The following PIWIL1 variants were observed in gnomAD, a reference collection of about 807,000 sequenced individuals.
PIWIL1 encodes piwi-like protein 1.
In PIWIL1, 73 loss-of-function variants were observed where a neutral mutation model predicts 114.4. The observed-to-expected ratio is 0.64, with a 90% CI of 0.53 to 0.78. PIWIL1 has a LOEUF of 0.78. Ranked by LOEUF, PIWIL1 falls within the 30% of genes least tolerant of loss-of-function variation. The pLI is 0.00. For missense variants in PIWIL1, 723 were observed against 1,063.1 expected (o/e 0.68, Z 4.45); for synonymous variants, 375 against 369.0 (o/e 1.02, Z -0.19).
Position 130,340,510 on chromosome 12 carries a change from G to C in PIWIL1, c.-12-2070G>C, listed in dbSNP as rs1332758615. ...GTTCTCACTCCTAGGAGAATCTAATGCCTCCACTGATCTAACAGGAGGTGA... is the reference window on the plus strand; with the variant it reads ...GTTCTCACTCCTAGGAGAATCTAATCCCTCCACTGATCTAACAGGAGGTGA... On this transcript the variant is annotated intron_variant, in intron 1 of 20. Coordinates refer to ENST00000245255, the MANE Select transcript of PIWIL1 (RefSeq NM_004764.5). Among the ~76,000 whole-genome samples the C allele has an allele frequency of 1.1e-4, 16 of 151,924 alleles. No homozygotes were observed. In the East Asian group the frequency reaches 3.1e-3, roughly 30 times the overall value.
At chr12:130,407,560 C>T in the PIWIL1 span, among the ~76,000 whole-genome samples, 2 of 152,188 alleles carry the variant, frequency 1.3e-5, no homozygotes, top group Admixed American at 6.5e-5. Context: ...TTCTCTCCTG[C>T]GTGGCCATGT....
At chr12:130,382,553 T>G in the PIWIL1 span, among the ~76,000 whole-genome samples, 12 of 152,382 alleles carry the variant, frequency 7.9e-5, no homozygotes, top group African/African-American at 2.9e-4. Context: ...TGTCGTCACT[T>G]TAACCCCATT....
At chr12:130,405,612 G>C in the PIWIL1 span, among the ~76,000 whole-genome samples, 1 of 151,826 alleles carries the variant, frequency 6.6e-6, no homozygotes, top group East Asian at 1.9e-4. Context: ...ACATGCTCCA[G>C]GGGAACAGAA....
At chr12:130,422,223 A>G in the PIWIL1 span, among the ~76,000 whole-genome samples, 1 of 152,190 alleles carries the variant, frequency 6.6e-6, no homozygotes, top group Admixed American at 6.5e-5. The surrounding 1 kb of genome is among the most constrained non-coding windows in gnomAD (Gnocchi z 5.2). Flanking sequence ...CTCTCCAGGA[A>G]AAAATCAGCT....
At chr12:130,357,406 A>T in intron 13 of PIWIL1, 75 bp from the exon 14 acceptor site, 1 of 1,078,382 alleles carries the variant, frequency 9.3e-7, no homozygotes, top group Non-Finnish European at 1.4e-6. Context: ...TTCCTGTGTT[A>T]CACAGGAAGG....
downstream of PIWIL1, among the ~76,000 whole-genome samples, chr12:130,375,127 C>A (rs1180152876): frequency 6.6e-6 from 1 of 152,116 alleles, no homozygotes; most frequent in Non-Finnish European, 1.5e-5. Context: ...TCCCCGAGCT[C>A]CGATTCCTCC....
intron 1 of PIWIL1, among the ~76,000 whole-genome samples, chr12:130,341,285 T>C (rs573883589): frequency 3.9e-5 from 6 of 152,380 alleles, no homozygotes; most frequent in African/African-American, 9.6e-5. Context: ...CAAGCACTTA[T>C]GTGTGGGTTG....
rs758642763 is a variant in PIWIL1, at chr12:130,367,247, C to T, written c.2310C>T (p.Thr770=). The change falls in exon 19 of 21, where the codon ACC becomes ACT. Residue 770 remains threonine (T), a synonymous_variant. Coordinates refer to ENST00000245255, the MANE Select transcript of PIWIL1 (RefSeq NM_004764.5). The part of the protein sequence containing the change: ...LPGTVIDVEV[T]RPEWYDFFIV... ...GAACAGTTATTGATGTAGAGGTTAC[C>T]AGACCAGAATGGTAAGTTCCATGTG... is the stretch of plus-strand genomic sequence containing the variant. 7 of 1,613,604 alleles carry T rather than the reference C, an allele frequency of 4.3e-6. No homozygotes were observed. In the South Asian group the frequency reaches 7.7e-5, roughly 18 times the overall value.
chr12:130,408,515 TC>T, the PIWIL1 span, among the ~76,000 whole-genome samples: 2 of 152,156 alleles, frequency 1.3e-5, no homozygotes, highest in Admixed American at 1.3e-4. Context: ...GGCCTGGGCA[TC>T]ATCCCAGCAC....
the PIWIL1 span, among the ~76,000 whole-genome samples, chr12:130,409,332 CTTTTTTTT>C: frequency 1.7e-4 from 11 of 65,382 alleles, no homozygotes; most frequent in African/African-American, 2.7e-4. Context: ...CAAAATGTAG[CTTTTTTTT>C]TTTTTTTTTT....
the PIWIL1 span, among the ~76,000 whole-genome samples, chr12:130,388,376 C>T: frequency 1.3e-5 from 2 of 152,188 alleles, no homozygotes; most frequent in Admixed American, 6.5e-5. Flanking sequence ...GTTGATCTAT[C>T]CCAGTATCAG....
Position 130,349,981 on chromosome 12 carries a change from G to T in PIWIL1, c.1044+14G>T. 2.8e-6 allele frequency: 4 copies of T among 1,445,582 alleles called. No homozygotes were observed. Among genetic ancestry groups the T allele is most frequent in the Non-Finnish European group, 3.8e-6 (4 of 1,038,986 alleles). 89.5% of individuals were successfully genotyped at this position (1,445,582 alleles called of 1,614,324 possible). A position where few individuals can be genotyped will look rare whatever the true frequency, so the allele number is the denominator to read the frequency against. On this transcript the variant is annotated intron_variant, in intron 9 of 20. Transcript: ENST00000245255. ...TACTACAGGAAGGTAAGATGCCAGTGGTTAGATCTCAGGAGAAATCCAAAA... is the reference window on the plus strand; with the variant it reads ...TACTACAGGAAGGTAAGATGCCAGTTGTTAGATCTCAGGAGAAATCCAAAA...
In PIWIL1 at chr12:130,342,600, G is replaced by C; in HGVS notation, c.9G>C (p.Gly3=). MT[G]RARARARGRA... Reference sequence around the variant, plus strand: ...TCCAGAAATAGAAAACAATGACTGGGAGAGCCCGAGCCAGAGCCAGAGGAA... The same window carrying C: ...TCCAGAAATAGAAAACAATGACTGGCAGAGCCCGAGCCAGAGCCAGAGGAA... Residue 3 remains glycine, a synonymous_variant, in exon 2 of 21, where the codon GGG becomes GGC. Coordinates refer to ENST00000245255, the MANE Select transcript of PIWIL1 (RefSeq NM_004764.5). 1 of 1,613,152 alleles carries C rather than the reference G, an allele frequency of 6.2e-7. No individual in the cohort carries two copies. The highest frequency in any genetic ancestry group is 1.1e-5 in the South Asian group (1 of 90,988).
chr12:130,419,110 G>T, the PIWIL1 span, among the ~76,000 whole-genome samples: 1 of 152,212 alleles, frequency 6.6e-6, no homozygotes, highest in South Asian at 2.1e-4. This position sits in a 1 kb window ranked among gnomAD's most constrained non-coding sequence, Gnocchi z 4.3. Flanking sequence ...CCTCGACAGG[G>T]AAAGAGTAGC....
chr12:130,377,315 G>A (rs1050120786), downstream of PIWIL1, among the ~76,000 whole-genome samples: 3 of 152,180 alleles, frequency 2.0e-5, no homozygotes, highest in African/African-American at 7.2e-5. Context: ...AGTATTTCCT[G>A]GGCATGTTAA....
the PIWIL1 span, among the ~76,000 whole-genome samples, chr12:130,392,097 G>T: frequency 2.9e-5 from 3 of 105,218 alleles, no homozygotes; most frequent in African/African-American, 6.7e-5. Context: ...CAGTTACCCA[G>T]TGAATATTGA....
At chr12:130,398,497 C>T in the PIWIL1 span, 4 of 152,662 alleles carry the variant, frequency 2.6e-5, no homozygotes, top group Admixed American at 6.5e-5. Flanking sequence ...ATTTGAGCTG[C>T]GTGCTTCATC....
chr12:130,392,902 G>A, the PIWIL1 span, among the ~76,000 whole-genome samples: 1 of 57,330 alleles, frequency 1.7e-5, no homozygotes, highest in Non-Finnish European at 3.9e-5. Context: ...GTGATGACCC[G>A]GTCACCGTCA....
chr12:130,387,910 G>A, the PIWIL1 span, among the ~76,000 whole-genome samples: 1 of 152,180 alleles, frequency 6.6e-6, no homozygotes, highest in Non-Finnish European at 1.5e-5. Flanking sequence ...TATAGACAGA[G>A]TTTTCTGTGT....
Sources: allele counts gnomAD v4.1 joint callset (sites outside exome capture counted in the v4.1 genomes callset), GRCh38; gene constraint gnomAD v4.1.1; non-coding constraint Gnocchi (gnomAD v3.1); transcripts MANE v1.5; gene names NCBI Gene and HGNC (gene_info 2026-07-23, HGNC 2026-07-21).